Variants in WWP2 observed in about 807,000 individuals in gnomAD.
WWP2 encodes NEDD4-like E3 ubiquitin-protein ligase WWP2.
A neutral mutation model predicts 121.0 loss-of-function variants in WWP2; 57 were observed. The observed-to-expected ratio is 0.47, with a 90% CI of 0.38 to 0.59. The LOEUF (loss-of-function observed/expected upper bound fraction) is 0.59, where lower values mean the gene tolerates loss of function less well. Ranked by LOEUF, WWP2 falls within the 20% of genes least tolerant of loss-of-function variation. The pLI is 0.00. For missense variants in WWP2, 962 were observed against 1,158.9 expected, an observed-to-expected ratio of 0.83 and a Z score of 2.47; for synonymous variants, 449 against 441.3, an observed-to-expected ratio of 1.02 and a Z score of -0.22.
rs1429963947 is a variant in WWP2 at position 69,871,881 on chromosome 16, A to G, written c.653A>G (p.His218Arg). 6.2e-7 allele frequency: 1 copy of G among 1,614,042 alleles called. No individual in the cohort carries two copies. Among genetic ancestry groups the G allele is most frequent in the Non-Finnish European group, 8.5e-7 (1 of 1,180,022 alleles). Reference sequence around the variant, plus strand: ...CAAAGCCCCGGTGCTCGGAGCCGGCACCGCCAGCCCGTCAAGAACTCAGGC... The same window carrying G: ...CAAAGCCCCGGTGCTCGGAGCCGGCGCCGCCAGCCCGTCAAGAACTCAGGC... ...GEQSPGARSR[H>R]RQPVKNSGHS... The change falls in exon 7 of 24, where the codon CAC becomes CGC. Residue 218 changes from histidine to arginine, a missense_variant. Around this residue, in one of 3 missense-constraint regions of WWP2, gnomAD observed 211 missense variants for 196.5 expected, o/e 1.07. Transcript: ENST00000359154.
intron 23 of WWP2, among the ~76,000 whole-genome samples, 199 bp downstream of exon 23, chr16:69,939,612 G>C (rs996154678): frequency 4.6e-5 from 7 of 152,138 alleles, no homozygotes; most frequent in African/African-American, 1.7e-4. Flanking sequence ...TGTTCCAGTA[G>C]TCCAAGAGCT....
At chr16:69,830,157 A>T (rs2965764) in intron 4 of WWP2, among the ~76,000 whole-genome samples, 124,943 of 152,102 alleles carry the variant, frequency 0.82, 51,879 homozygotes, top group Admixed American at 0.89. Context: ...GTTTCACCAC[A>T]TTGCCTAGGT....
At chr16:69,831,702 C>G (rs1386272027) in intron 4 of WWP2, among the ~76,000 whole-genome samples, 1 of 152,098 alleles carries the variant, frequency 6.6e-6, no homozygotes, top group African/African-American at 2.4e-5. Flanking sequence ...ATTCCCCAAA[C>G]AGCTTGACTG....
chr16:69,767,287 G>A, intron 1 of WWP2, among the ~76,000 whole-genome samples: 1 of 152,124 alleles, frequency 6.6e-6, no homozygotes, highest in East Asian at 1.9e-4. Flanking sequence ...TGTTTGTCAG[G>A]CATCCCACCA....
At chr16:69,889,983 C>T (rs1300603125) in intron 8 of WWP2, among the ~76,000 whole-genome samples, 1 of 152,066 alleles carries the variant, frequency 6.6e-6, no homozygotes, top group Non-Finnish European at 1.5e-5. Flanking sequence ...GAGACAGGGT[C>T]TCACTCTGTT....
intron 8 of WWP2, among the ~76,000 whole-genome samples, chr16:69,901,834 C>T (rs2058210708): frequency 6.6e-6 from 1 of 152,070 alleles, no homozygotes; most frequent in South Asian, 2.1e-4. Flanking sequence ...CCCTGTAATC[C>T]CAGCTACTCG....
chr16:69,840,745 T>C (rs971272459), intron 5 of WWP2, among the ~76,000 whole-genome samples: 9 of 152,212 alleles, frequency 5.9e-5, no homozygotes, highest in African/African-American at 2.2e-4. Flanking sequence ...TGGTAGTTTG[T>C]TTCTTTTGAT....
intron 6 of WWP2, among the ~76,000 whole-genome samples, chr16:69,857,758 C>A (rs1302760715): frequency 6.7e-6 from 1 of 149,510 alleles, no homozygotes; most frequent in Non-Finnish European, 1.5e-5. Flanking sequence ...ACCTCCCAGG[C>A]TCAAGTGATC....
In WWP2 at chr16:69,795,610, T is replaced by C. The variant is rs951211277; in HGVS notation, c.71-3072T>C. On this transcript the variant is annotated intron_variant, in intron 2 of 23. Transcript: ENST00000359154. Reference sequence around the variant, plus strand: ...AGAGTATACAGTATTTATTGTTCTATTTCAATTTTTCTATAGATTGGAAAC... The same window carrying C: ...AGAGTATACAGTATTTATTGTTCTACTTCAATTTTTCTATAGATTGGAAAC... Among the ~76,000 whole-genome samples, 11 of 151,632 alleles carry C rather than the reference T, an allele frequency of 7.3e-5. No homozygotes were observed. The South Asian group carries it at 2.3e-3, about 32-fold the overall frequency.
intron 4 of WWP2, among the ~76,000 whole-genome samples, chr16:69,821,927 A>G (rs1023144712): frequency 2.0e-5 from 3 of 151,912 alleles, no homozygotes; most frequent in African/African-American, 7.3e-5. Flanking sequence ...GCTAGCGTGC[A>G]GTGCCATCAT....
At chr16:69,814,677 G>A (rs868219566) in intron 4 of WWP2, among the ~76,000 whole-genome samples, 2 of 152,152 alleles carry the variant, frequency 1.3e-5, no homozygotes, top group Middle Eastern at 3.2e-3. Flanking sequence ...TTAAGCAGAG[G>A]GTTATTACAG....
chr16:69,857,312 C>CTCGA (rs2057335223), intron 6 of WWP2, among the ~76,000 whole-genome samples: 1 of 152,180 alleles, frequency 6.6e-6, no homozygotes, highest in Admixed American at 6.5e-5. Context: ...CCAGGCTGGT[C>CTCGA]TCGAACTCCT....
At chr16:69,930,517 C>T (rs2151989758) in intron 13 of WWP2, among the ~76,000 whole-genome samples, 1 of 152,180 alleles carries the variant, frequency 6.6e-6, no homozygotes, top group Non-Finnish European at 1.5e-5. Flanking sequence ...AGAAAAATGG[C>T]AAGACCCCAT....
intron 1 of WWP2, among the ~76,000 whole-genome samples, chr16:69,769,836 A>G (rs1481841938): frequency 6.7e-6 from 1 of 149,816 alleles, no homozygotes; most frequent in Non-Finnish European, 1.5e-5. Flanking sequence ...CTGGCCTATA[A>G]CTCCTAAAAT....
intron 1 of WWP2, among the ~76,000 whole-genome samples, chr16:69,776,636 C>G (rs1332593252): frequency 1.3e-5 from 2 of 151,836 alleles, no homozygotes. Context: ...TCGAGACCAG[C>G]CTTAACATGG....
intron 4 of WWP2, among the ~76,000 whole-genome samples, chr16:69,834,681 C>T (rs1297493032): frequency 2.6e-5 from 4 of 151,244 alleles, no homozygotes; most frequent in Admixed American, 2.0e-4. Context: ...TGCCCGCTAC[C>T]ACACCCAGCT....
intron 6 of WWP2, among the ~76,000 whole-genome samples, chr16:69,849,776 C>T (rs2057166509): frequency 6.6e-6 from 1 of 151,616 alleles, no homozygotes; most frequent in South Asian, 2.1e-4. Context: ...CCACTGCACT[C>T]CAGCCTGGAC....
At chr16:69,919,455 C>T (rs924973694) in intron 10 of WWP2, among the ~76,000 whole-genome samples, 13 of 152,196 alleles carry the variant, frequency 8.5e-5, no homozygotes, top group Admixed American at 7.2e-4. Flanking sequence ...GTGTGAACCA[C>T]CATGCCTGGC....
chr16:69,829,837 C>A (rs2056763170), intron 4 of WWP2, among the ~76,000 whole-genome samples: 1 of 152,182 alleles, frequency 6.6e-6, no homozygotes, highest in African/African-American at 2.4e-5. Flanking sequence ...GCTTCAAGCA[C>A]TGTCTGGAAG....
Sources: gnomAD v4.1 joint callset for allele counts (sites outside exome capture counted in the v4.1 genomes callset) on GRCh38, gnomAD v4.1.1 for gene constraint, gnomAD v4.1.1 regional missense constraint, MANE v1.5 for transcripts, NCBI Gene and HGNC (gene_info 2026-07-23, HGNC 2026-07-21) for gene names.